Variants in SPDYE5 observed in about 807,000 individuals in gnomAD.
SPDYE5 encodes speedy protein E5.
A neutral mutation model predicts 48.5 loss-of-function variants in SPDYE5; 15 were observed. The ratio of observed to expected loss-of-function variants is 0.31; its 90% confidence interval spans 0.21 to 0.48. The LOEUF (loss-of-function observed/expected upper bound fraction) is 0.48, where lower values mean the gene tolerates loss of function less well. Among genes scored for constraint, SPDYE5 ranks in the 20% least tolerant of loss-of-function variants. The probability of loss-of-function intolerance (pLI) is 0.99; values close to 1 mark genes in which losing one functional copy is unlikely to be tolerated. For synonymous variants in SPDYE5, 116 were observed against 200.7 expected, an observed-to-expected ratio of 0.58 and a Z score of 3.57; for missense variants, 331 against 549.1, an observed-to-expected ratio of 0.60 and a Z score of 3.97.
chr7:75,500,864 C>G (rs1292874517), intron 6 of SPDYE5, among the ~76,000 whole-genome samples: 3 of 151,984 alleles, frequency 2.0e-5, no homozygotes, highest in Non-Finnish European at 4.4e-5. Flanking sequence ...TGTGCCACCG[C>G]ACCAGGCTGA....
chr7:75,504,187 T>C lies in SPDYE5; in HGVS notation c.*1400T>C, dbSNP rs1554484030. 2 of 152,188 alleles carry C rather than the reference T, an allele frequency of 1.3e-5. No homozygotes were observed. Among genetic ancestry groups the C allele is most frequent in the Admixed American group, 6.6e-5 (1 of 15,264 alleles). The allele number at this position is 152,188 out of a possible 1,614,324, so 9.4% of individuals were successfully genotyped here. On this transcript the variant is annotated 3_prime_UTR_variant, in exon 9 of 9. Coordinates refer to ENST00000625065, the MANE Select transcript of SPDYE5 (RefSeq NM_001306141.4). ...TTTTTACCTTGTTTTGGCATGTTTG[T>C]ATGTTACTTTAAAGAGGATGTGTGT...
At chr7:75,494,468 G>A (rs1792850020) in intron 2 of SPDYE5, among the ~76,000 whole-genome samples, 1 of 149,090 alleles carries the variant, frequency 6.7e-6, no homozygotes, top group Admixed American at 6.7e-5. Flanking sequence ...AATCACTTGA[G>A]ACTGGGAGGA....
chr7:75,492,620 G>A (rs587687691), intron 1 of SPDYE5, among the ~76,000 whole-genome samples, 179 bp downstream of exon 1: 1 of 151,886 alleles, frequency 6.6e-6, no homozygotes, highest in Admixed American at 6.6e-5. Context: ...TGTATTTTTA[G>A]TAGAGATGGG....
At position 75,494,184 on chromosome 7, in the gene SPDYE5, A is replaced by G; in HGVS notation, c.137A>G (p.Asp46Gly). ...GGGTACCCCCTCCAGGAGGTGGTGG[A>G]TGATGAAGTGTTGGGACCATCAGGT... ...TSGYPLQEVVDDEVLGPSAPG... is the reference protein window; with the variant it reads ...TSGYPLQEVVGDEVLGPSAPG... Residue 46 changes from aspartate to glycine, a missense_variant, in exon 2 of 9, where the codon GAT (aspartate) becomes GGT (glycine). Physicochemically the swap from Asp to Gly is moderately conservative, Grantham distance 94. Coordinates refer to ENST00000625065, the MANE Select transcript of SPDYE5 (RefSeq NM_001306141.4). The G allele has an allele frequency of 6.5e-7, 1 of 1,534,910 alleles. No individual in the cohort carries two copies. Among genetic ancestry groups the G allele is most frequent in the South Asian group, 1.2e-5 (1 of 83,954 alleles).
Position 75,501,185 on chromosome 7 carries a change from C to T in SPDYE5, c.756-177C>T, listed in dbSNP as rs587748180. ...GTCTCCATCCTGAAGGAGTGGGAGA[C>T]GCCCTTGATCAGGTCTCTGTCCAGC... is the stretch of plus-strand genomic sequence containing the variant. On this transcript the variant is annotated intron_variant, in intron 6 of 8. Coordinates refer to ENST00000625065, the MANE Select transcript of SPDYE5 (RefSeq NM_001306141.4). 1.4e-3 allele frequency among the ~76,000 whole-genome samples: 207 copies of T among 152,128 alleles called. 1 individual carries two copies. Among genetic ancestry groups the T allele is most frequent in the African/African-American group, 4.6e-3 (189 of 41,528 alleles).
At position 75,501,401 on chromosome 7, in the gene SPDYE5, C is replaced by T. The variant is rs781999748; in HGVS notation, c.795C>T (p.Ser265=). ...ANDMEEDDED[S]KQNIFHFLYG... ...ACATGGAGGAGGACGACGAGGACTCCAAACAAAACATCTTCCACTTCCTGT... is the reference window on the plus strand; with the variant it reads ...ACATGGAGGAGGACGACGAGGACTCTAAACAAAACATCTTCCACTTCCTGT... The change falls in exon 7 of 9, where the codon TCC becomes TCT. Residue 265 remains serine (S), a synonymous_variant. Transcript: ENST00000625065. 6.2e-7 allele frequency: 1 copy of T among 1,612,574 alleles called. No individual in the cohort carries two copies. The highest frequency in any genetic ancestry group is 1.1e-5 in the South Asian group (1 of 91,008).
chr7:75,500,842 A>T (rs1793118808), intron 6 of SPDYE5, among the ~76,000 whole-genome samples: 1 of 151,958 alleles, frequency 6.6e-6, no homozygotes, highest in Non-Finnish European at 1.5e-5. Flanking sequence ...CTGAGTAGCT[A>T]GGCCTAACGG....
chr7:75,495,768 G>C (rs1792902111), intron 3 of SPDYE5, among the ~76,000 whole-genome samples: 1 of 152,098 alleles, frequency 6.6e-6, no homozygotes, highest in Non-Finnish European at 1.5e-5. Context: ...GGCCGGGTGT[G>C]GTAGCTCATG....
At chr7:75,494,443 A>G (rs1273673240) in intron 2 of SPDYE5, among the ~76,000 whole-genome samples, 2 of 150,220 alleles carry the variant, frequency 1.3e-5, no homozygotes, top group African/African-American at 4.9e-5. Context: ...GCTACTCAGG[A>G]GGCTGAGACA....
Position 75,501,832 on chromosome 7 carries a change from T to C in SPDYE5, c.1150-46T>C, listed in dbSNP as rs781891219. 8 of 1,609,458 alleles carry C rather than the reference T, an allele frequency of 5.0e-6. No homozygotes were observed. In the African/African-American group the frequency reaches 1.1e-4, roughly 22 times the overall value. The stretch of plus-strand genomic sequence containing the variant: ...GAGGCTGGATGAGGGGAGAGAGGGG[T>C]ATCCTGGCGAGTCCCCGTCTTCTCA... On this transcript the variant is annotated intron_variant, in intron 7 of 8. Coordinates refer to ENST00000625065, the MANE Select transcript of SPDYE5 (RefSeq NM_001306141.4).
chr7:75,501,451 C>T lies in SPDYE5; in HGVS notation c.845C>T (p.Pro282Leu). ...TATGGGAAGAACCGCTCTCGCATAC[C>T]CTTGCTCCGTAAGCGTTGGTTCCAG... is the stretch of plus-strand genomic sequence containing the variant. The part of the protein sequence containing the change: ...FLYGKNRSRI[P>L]LLRKRWFQLG... Residue 282 changes from proline (P) to leucine (L), a missense_variant, in exon 7 of 9, where the codon CCC (proline) becomes CTC (leucine). Transcript: ENST00000625065. 1 of 1,610,754 alleles carries T rather than the reference C, an allele frequency of 6.2e-7. No individual in the cohort carries two copies. The highest frequency in any genetic ancestry group is 1.1e-5 in the South Asian group (1 of 90,986).
rs1554482616 is a variant in SPDYE5 at position 75,496,683 on chromosome 7, T to C, written c.389T>C (p.Val130Ala). ...KGFNSQLAPG[V>A]DPSPPHRSFC... ...TGGTTTCTTTACTCAGCCCCTGGGG[T>C]AGATCCCAGCCCCCCGCATAGGTCC... Residue 130 changes from valine to alanine, a missense_variant, in exon 4 of 9, where the codon GTA becomes GCA. Physicochemically the swap from Val to Ala is moderately conservative, Grantham distance 64. This residue lies in a region of SPDYE5 where 65 missense variants were observed against 138.2 expected (regional missense o/e 0.47). Transcript: ENST00000625065. 3 of 1,597,168 alleles carry C rather than the reference T, an allele frequency of 1.9e-6. No individual in the cohort carries two copies. Among genetic ancestry groups the C allele is most frequent in the Middle Eastern group, 2.2e-4 (1 of 4,458 alleles).
intron 6 of SPDYE5, among the ~76,000 whole-genome samples, chr7:75,501,153 G>A (rs1371136200): frequency 3.3e-5 from 5 of 152,130 alleles, no homozygotes; most frequent in Non-Finnish European, 7.3e-5. Context: ...CCACCAGTTG[G>A]GTTTTTGTCT....
In SPDYE5 at chr7:75,493,976, C is replaced by T; in HGVS notation, c.-72C>T. 1 of 1,514,738 alleles carries T rather than the reference C, an allele frequency of 6.6e-7. No individual in the cohort carries two copies. The highest frequency in any genetic ancestry group is 1.2e-5 in the South Asian group (1 of 81,978). 93.8% of individuals were successfully genotyped at this position (1,514,738 alleles called of 1,614,324 possible). A position where few individuals can be genotyped will look rare whatever the true frequency, so the allele number is the denominator to read the frequency against. On this transcript the variant is annotated 5_prime_UTR_variant, in exon 2 of 9. Transcript: ENST00000625065. The stretch of plus-strand genomic sequence containing the variant: ...AGTATCTTCTCAGAGCTGTTCTCCA[C>T]TCCTGACTTCTCCTAGGCTTGAGAA...
Position 75,495,196 on chromosome 7 carries a change from C to A in SPDYE5, c.201C>A (p.Gly67=). ...VDPSPPCRSL[G]WKRKREWSDE... Reference sequence around the variant, plus strand: ...CCAGCCCCCCATGTAGGTCCCTTGGCTGGAAAAGGAAGAGGGAGTGGTCAG... The same window carrying A: ...CCAGCCCCCCATGTAGGTCCCTTGGATGGAAAAGGAAGAGGGAGTGGTCAG... Residue 67 remains glycine (G), a synonymous_variant, in exon 3 of 9, where the codon GGC becomes GGA. Coordinates refer to ENST00000625065, the MANE Select transcript of SPDYE5 (RefSeq NM_001306141.4). 1 of 1,597,354 alleles carries A rather than the reference C, an allele frequency of 6.3e-7. No homozygotes were observed. Among genetic ancestry groups the A allele is most frequent in the Non-Finnish European group, 8.5e-7 (1 of 1,179,814 alleles).
rs1554482065 is a variant in SPDYE5 at position 75,493,798 on chromosome 7, C to T, written c.-250C>T. 1 of 1,418,016 alleles carries T rather than the reference C, an allele frequency of 7.1e-7. No homozygotes were observed. The allele number at this position is 1,418,016 out of a possible 1,614,324, so 87.8% of individuals were successfully genotyped here. On this transcript the variant is annotated 5_prime_UTR_variant, in exon 2 of 9. Transcript: ENST00000625065. ...GGACAGTGGCAGGAGATACCATTCA[C>T]CCAGGATCTCCAGGACAAGAGATCA...
chr7:75,491,921 G>A (rs1446664749), upstream of SPDYE5, among the ~76,000 whole-genome samples: 4 of 151,644 alleles, frequency 2.6e-5, no homozygotes, highest in South Asian at 2.1e-4. Context: ...AAACATGTTG[G>A]ACAGGCTGGT....
At chr7:75,491,782 G>A (rs1477297780), upstream of SPDYE5, among the ~76,000 whole-genome samples, 3 of 136,494 alleles carry the variant, frequency 2.2e-5, no homozygotes, top group East Asian at 6.9e-4. Flanking sequence ...ATGCAATCTC[G>A]GCTCACTGCA....
intron 7 of SPDYE5, 45 bp downstream of exon 7, chr7:75,501,800 T>A: frequency 6.2e-7 from 1 of 1,610,922 alleles, no homozygotes; most frequent in Non-Finnish European, 8.5e-7. Context: ...AGGAATCGGG[T>A]GGGCTGGAGG....
Sources: allele counts gnomAD v4.1 joint callset (sites outside exome capture counted in the v4.1 genomes callset), GRCh38; gene constraint gnomAD v4.1.1; regional missense constraint gnomAD v4.1.1; transcripts MANE v1.5; gene names NCBI Gene and HGNC (gene_info 2026-07-23, HGNC 2026-07-21).